Variants in SDK1 observed in about 807,000 individuals in gnomAD.
The protein encoded by SDK1 is protein sidekick-1.
A neutral mutation model predicts 245.5 loss-of-function variants in SDK1; 157 were observed. The ratio of observed to expected loss-of-function variants is 0.64; its 90% CI spans 0.56 to 0.73. SDK1 has a LOEUF of 0.73. Ranked by LOEUF, SDK1 falls within the 30% of genes least tolerant of loss-of-function variation. SDK1 has a pLI of 0.00. For missense variants in SDK1, 3,583 were observed against 3,002.3 expected, an observed-to-expected ratio of 1.19 and a Z score of -4.52; for synonymous variants, 1,647 against 1,278.5, an observed-to-expected ratio of 1.29 and a Z score of -6.15.
chr7:4,114,116 C>G lies in SDK1; in HGVS notation c.3665C>G (p.Ser1222Cys). The change falls in exon 25 of 45, where the codon TCC becomes TGC. Residue 1222 changes from serine to cysteine, a missense_variant. Coordinates refer to ENST00000404826, the MANE Select transcript of SDK1 (RefSeq NM_152744.4). The part of the protein sequence containing the change: ...RIKYWRSDLQ[S>C]SAVAQVVSDR... Reference sequence around the variant, plus strand: ...AAGTACTGGCGCTCAGACCTCCAGTCCTCAGCAGTGGCCCAAGTCGTCAGT... The same window carrying G: ...AAGTACTGGCGCTCAGACCTCCAGTGCTCAGCAGTGGCCCAAGTCGTCAGT... The G allele has an allele frequency of 1.2e-6, 2 of 1,614,228 alleles. No individual in the cohort carries two copies. Among genetic ancestry groups the G allele is most frequent in the Non-Finnish European group, 1.7e-6 (2 of 1,180,042 alleles).
At chr7:4,089,648 T>C (rs12701396) in intron 22 of SDK1, among the ~76,000 whole-genome samples, 58,212 of 152,182 alleles carry the variant, frequency 0.38, 15,211 homozygotes, top group African/African-American at 0.75. Flanking sequence ...AGCCCACGTG[T>C]GGGTGACTCC....
In SDK1 at chr7:4,146,192, C is replaced by T. The variant is rs577289521; in HGVS notation, c.4423+276C>T. Among the ~76,000 whole-genome samples the T allele has an allele frequency of 1.2e-3, 170 of 137,886 alleles. 1 individual carries two copies. The highest frequency in any genetic ancestry group is 2.3e-3 in the Admixed American group (32 of 13,982). 90.5% of individuals were successfully genotyped at this position (137,886 alleles called of 152,430 possible). On this transcript the variant is annotated intron_variant, in intron 29 of 44. Transcript: ENST00000404826. ...AGCCTCACACCTGCTCTCTCCGACA[C>T]GTGAGCATTGCATTCACACCTTCTG...
At chr7:4,109,593 A>G (rs112293073) in intron 22 of SDK1, among the ~76,000 whole-genome samples, 2,909 of 152,300 alleles carry the variant, frequency 0.019, 35 homozygotes, top group Non-Finnish European at 0.029. Context: ...CCCCAGAGCC[A>G]CACGGCCACA....
At chr7:3,658,334 A>G (rs1189377775) in intron 4 of SDK1, among the ~76,000 whole-genome samples, 1 of 152,158 alleles carries the variant, frequency 6.6e-6, no homozygotes, top group Non-Finnish European at 1.5e-5. Context: ...TATCGAGGTC[A>G]TCCTTCATTT....
At chr7:3,780,535 C>T (rs1438650752) in intron 4 of SDK1, among the ~76,000 whole-genome samples, 3 of 152,304 alleles carry the variant, frequency 2.0e-5, no homozygotes, top group South Asian at 2.1e-4. Flanking sequence ...CCTTCATTAA[C>T]GTGGTAGGAA....
intron 1 of SDK1, among the ~76,000 whole-genome samples, chr7:3,616,561 C>T (rs1005253856): frequency 2.6e-5 from 4 of 152,146 alleles, no homozygotes; most frequent in African/African-American, 9.7e-5. Flanking sequence ...TTCATCTCAT[C>T]GACTAGGTTA....
chr7:3,431,844 A>C (rs1471522838), intron 1 of SDK1, among the ~76,000 whole-genome samples: 1 of 151,834 alleles, frequency 6.6e-6, no homozygotes, highest in African/African-American at 2.4e-5. Flanking sequence ...GAATAATTAG[A>C]TCTCACATAA....
intron 5 of SDK1, among the ~76,000 whole-genome samples, chr7:3,868,359 C>T (rs925250807): frequency 6.6e-6 from 1 of 151,980 alleles, no homozygotes; most frequent in African/African-American, 2.4e-5. Flanking sequence ...TCAAGCGGAC[C>T]CTTGATATAA....
intron 1 of SDK1, among the ~76,000 whole-genome samples, chr7:3,509,851 T>C (rs1338269106): frequency 1.3e-5 from 2 of 152,146 alleles, no homozygotes; most frequent in African/African-American, 2.4e-5. Context: ...GAGAATGGAA[T>C]GTTAAGTCAG....
intron 4 of SDK1, among the ~76,000 whole-genome samples, chr7:3,726,524 T>C (rs2115035883): frequency 6.6e-6 from 1 of 152,388 alleles, no homozygotes. Context: ...GTTAGCACTT[T>C]CTAAAGTATT....
intron 1 of SDK1, among the ~76,000 whole-genome samples, chr7:3,585,765 C>T (rs186355534): frequency 2.6e-5 from 4 of 152,086 alleles, no homozygotes; most frequent in East Asian, 1.9e-4. Flanking sequence ...AGAGATGAAA[C>T]GGGGGAGAAA....
intron 5 of SDK1, among the ~76,000 whole-genome samples, chr7:3,852,749 TCA>T (rs1562491151): frequency 4.1e-5 from 2 of 48,638 alleles, no homozygotes; most frequent in Non-Finnish European, 6.2e-5. Context: ...AGACTCCGTC[TCA>T]AAAAAAAAAA....
At chr7:3,351,307 A>G (rs1418635390) in intron 1 of SDK1, among the ~76,000 whole-genome samples, 3 of 152,214 alleles carry the variant, frequency 2.0e-5, no homozygotes, top group Non-Finnish European at 4.4e-5. Flanking sequence ...TTGGTGAATC[A>G]TTTTACCTAA....
intron 1 of SDK1, among the ~76,000 whole-genome samples, chr7:3,315,498 AGGG>A (rs1779642167): frequency 2.0e-5 from 3 of 152,102 alleles, no homozygotes; most frequent in Admixed American, 1.3e-4. Flanking sequence ...TCTCTGACAT[AGGG>A]TCACGCATGC....
chr7:3,935,012 T>G (rs1583585696), intron 5 of SDK1, among the ~76,000 whole-genome samples: 1 of 152,226 alleles, frequency 6.6e-6, no homozygotes, highest in South Asian at 2.1e-4. Context: ...ACTCCCCTCT[T>G]GTATTGGCAA....
rs541970205 is a variant in SDK1, at chr7:3,869,505, G to T, written c.847+47922G>T. ...TCAGTCAGGTGTGCAAGCCCAGAGG[G>T]AAGCAGGATAGCTGGGCTTCGGGGT... On this transcript the variant is annotated intron_variant, in intron 5 of 44. Coordinates refer to ENST00000404826, the MANE Select transcript of SDK1 (RefSeq NM_152744.4). Among the ~76,000 whole-genome samples, 5 of 152,218 alleles carry T rather than the reference G, an allele frequency of 3.3e-5. No homozygotes were observed. The South Asian group carries it at 8.3e-4, about 25-fold the overall frequency.
At chr7:3,444,227 G>A (rs950458444) in intron 1 of SDK1, among the ~76,000 whole-genome samples, 6 of 152,104 alleles carry the variant, frequency 3.9e-5, no homozygotes, top group Non-Finnish European at 8.8e-5. Context: ...TCTTTGGGTG[G>A]TCTCCCTGGC....
intron 4 of SDK1, among the ~76,000 whole-genome samples, chr7:3,664,533 G>C (rs559830664): frequency 6.6e-6 from 1 of 152,210 alleles, no homozygotes; most frequent in South Asian, 2.1e-4. Flanking sequence ...GAGGTTAGGA[G>C]ATCGAGATCA....
chr7:3,574,449 G>C (rs932327879), intron 1 of SDK1, among the ~76,000 whole-genome samples: 5 of 151,992 alleles, frequency 3.3e-5, no homozygotes, highest in Non-Finnish European at 7.4e-5. Flanking sequence ...GTGTGAAGTT[G>C]CTATTCCTAC....
Sources: allele counts gnomAD v4.1 joint callset (sites outside exome capture counted in the v4.1 genomes callset), GRCh38; gene constraint gnomAD v4.1.1; transcripts MANE v1.5; gene names NCBI Gene and HGNC (gene_info 2026-07-23, HGNC 2026-07-21).